The following ABCB5 variants were observed in gnomAD, a reference collection of about 807,000 sequenced individuals.
The protein encoded by ABCB5 is ATP binding cassette subfamily B member 5, also known as ATP-binding cassette sub-family B member 5.
A neutral mutation model predicts 144.2 loss-of-function variants in ABCB5; 155 were observed. The ratio of observed to expected loss-of-function variants is 1.08; its 90% confidence interval spans 0.94 to 1.23. The LOEUF is 1.23. ABCB5 is among the 50% of genes most tolerant of loss of function. The pLI is 0.00. For synonymous variants in ABCB5, 610 were observed against 528.6 expected, an observed-to-expected ratio of 1.15 and a Z score of -2.11; for missense variants, 1,830 against 1,520.8, an observed-to-expected ratio of 1.20 and a Z score of -3.38.
At chr7:20,716,113 T>C (rs1317969592) in intron 20 of ABCB5, among the ~76,000 whole-genome samples, 1 of 152,130 alleles carries the variant, frequency 6.6e-6, no homozygotes, top group Non-Finnish European at 1.5e-5. Context: ...ATAGGAGATA[T>C]CCAAACAGAA....
chr7:20,625,875 T>C (rs1297984621), intron 2 of ABCB5, among the ~76,000 whole-genome samples: 1 of 152,222 alleles, frequency 6.6e-6, no homozygotes, highest in Non-Finnish European at 1.5e-5. Flanking sequence ...TTACTAGGAA[T>C]AGCCAAAATG....
chr7:20,723,488 C>T (rs998194318), intron 21 of ABCB5, among the ~76,000 whole-genome samples: 2 of 152,170 alleles, frequency 1.3e-5, no homozygotes, highest in African/African-American at 4.8e-5. Flanking sequence ...TCTATGCTAA[C>T]AAACGTGTGA....
chr7:20,627,247 T>TA (rs947145149), intron 3 of ABCB5, among the ~76,000 whole-genome samples: 3 of 151,804 alleles, frequency 2.0e-5, no homozygotes, highest in Admixed American at 1.3e-4. Flanking sequence ...AAAGTCAATT[T>TA]AAAAAAAACT....
At chr7:20,727,217 T>C in intron 22 of ABCB5, 77 bp downstream of exon 22, 2 of 961,998 alleles carry the variant, frequency 2.1e-6, no homozygotes, top group Non-Finnish European at 3.1e-6. Context: ...ACTCCAGTGG[T>C]TTGCCTGCTA....
chr7:20,668,603 C>T (rs1310348656), intron 14 of ABCB5, among the ~76,000 whole-genome samples: 4 of 136,608 alleles, frequency 2.9e-5, no homozygotes, highest in African/African-American at 8.5e-5. Flanking sequence ...GGGGGGGGGT[C>T]AGCCCCCCGC....
chr7:20,646,654 T>C (rs1433604630), intron 9 of ABCB5, among the ~76,000 whole-genome samples: 1 of 152,238 alleles, frequency 6.6e-6, no homozygotes, highest in Non-Finnish European at 1.5e-5. Flanking sequence ...TTATGGGTTA[T>C]GTGTTAAATA....
chr7:20,746,996 C>T (rs1240934533), intron 26 of ABCB5, among the ~76,000 whole-genome samples: 2 of 152,262 alleles, frequency 1.3e-5, no homozygotes, highest in Middle Eastern at 3.4e-3. Flanking sequence ...TATACTCTTT[C>T]CCTCACCAGC....
At chr7:20,670,660 A>G (rs1251527137) in intron 14 of ABCB5, among the ~76,000 whole-genome samples, 1 of 152,244 alleles carries the variant, frequency 6.6e-6, no homozygotes, top group African/African-American at 2.4e-5. Flanking sequence ...TTGTAATCCC[A>G]GCACTTTGGG....
At chr7:20,749,395 ATTTTTT>A (rs34687757) in intron 26 of ABCB5, among the ~76,000 whole-genome samples, 2 of 81,942 alleles carry the variant, frequency 2.4e-5, no homozygotes, top group African/African-American at 5.7e-5. Context: ...TGCCTGCCTA[ATTTTTT>A]TTTTTTTTTT....
chr7:20,697,986 G>A (rs1041454788), intron 16 of ABCB5, among the ~76,000 whole-genome samples: 60 of 152,168 alleles, frequency 3.9e-4, no homozygotes, highest in African/African-American at 1.4e-3. Context: ...GTTTGAGATC[G>A]TAATGAAACT....
Position 20,755,948 on chromosome 7 carries a change from CA to C in ABCB5, c.*325del, listed in dbSNP as rs950134056. The C allele has an allele frequency of 3.3e-6, 1 of 299,484 alleles. No homozygotes were observed. 18.6% of individuals were successfully genotyped at this position (299,484 alleles called of 1,614,324 possible). ...TGCTATAAAATCGGAAATATGTTTCCAGGGGGAATATTATCCAATTAACCAT... is the reference window on the plus strand; with the variant it reads ...TGCTATAAAATCGGAAATATGTTTCCGGGGGAATATTATCCAATTAACCAT... On this transcript the variant is annotated 3_prime_UTR_variant, in exon 28 of 28. Coordinates refer to ENST00000404938, the MANE Select transcript of ABCB5 (RefSeq NM_001163941.2).
intron 21 of ABCB5, among the ~76,000 whole-genome samples, chr7:20,725,874 A>G (rs1782020969): frequency 6.6e-6 from 1 of 152,218 alleles, no homozygotes; most frequent in Non-Finnish European, 1.5e-5. Flanking sequence ...AGAATTTAAA[A>G]CAACCAACAT....
chr7:20,710,046 C>T (rs1183070788), intron 20 of ABCB5, among the ~76,000 whole-genome samples: 1 of 142,796 alleles, frequency 7.0e-6, no homozygotes, highest in African/African-American at 2.7e-5. Context: ...TCCTGGGCGA[C>T]AGAGCAAGAC....
chr7:20,743,395 C>T (rs1782622565), intron 25 of ABCB5, among the ~76,000 whole-genome samples: 1 of 152,136 alleles, frequency 6.6e-6, no homozygotes, highest in Non-Finnish European at 1.5e-5. Context: ...GCTCCGTATT[C>T]TGTTGTGGTT....
At chr7:20,685,870 A>T (rs374174180) in intron 16 of ABCB5, 34 bp downstream of exon 16, 20 of 1,553,016 alleles carry the variant, frequency 1.3e-5, no homozygotes, top group Non-Finnish European at 1.7e-5. Context: ...TTTTTCCTGC[A>T]TGTTTTCTAA....
chr7:20,755,357 T>C (rs1002827855), intron 27 of ABCB5, 70 bp from the exon 28 acceptor site: 26 of 1,408,690 alleles, frequency 1.8e-5, no homozygotes, highest in Non-Finnish European at 2.3e-5. Context: ...ACTACCTTAA[T>C]TGATTTGACT....
At chr7:20,719,903 A>G in intron 20 of ABCB5, among the ~76,000 whole-genome samples, 1 of 151,722 alleles carries the variant, frequency 6.6e-6, no homozygotes, top group East Asian at 1.9e-4. Context: ...AAATATACAG[A>G]AACAAATATA....
At chr7:20,689,428 C>T (rs1201746972) in intron 16 of ABCB5, among the ~76,000 whole-genome samples, 1 of 152,192 alleles carries the variant, frequency 6.6e-6, no homozygotes, top group Non-Finnish European at 1.5e-5. Context: ...GCTGGGGAAA[C>T]TACTGGCCAC....
In ABCB5 at chr7:20,651,506, G is replaced by T; in HGVS notation, c.1419G>T (p.Leu473Phe). Residue 473 changes from leucine to phenylalanine, a missense_variant, in exon 13 of 28, where the codon TTG becomes TTT. Leu to Phe is a conservative substitution (Grantham distance 22). Coordinates refer to ENST00000404938, the MANE Select transcript of ABCB5 (RefSeq NM_001163941.2). ...GAGTGGTTAGTCAAGAGCCTGTTTT[G>T]TTCGGGACCACCATCAGTAACAATA... ...HIGVVSQEPV[L>F]FGTTISNNIK... 6.2e-7 allele frequency: 1 copy of T among 1,614,054 alleles called. No individual in the cohort carries two copies.
Sources: allele counts gnomAD v4.1 joint callset (sites outside exome capture counted in the v4.1 genomes callset), GRCh38; gene constraint gnomAD v4.1.1; transcripts MANE v1.5; gene names NCBI Gene and HGNC (gene_info 2026-07-23, HGNC 2026-07-21).